RBM5: variants seen among roughly 807,000 people sequenced by gnomAD.
RBM5 encodes RNA-binding protein 5.
A neutral mutation model predicts 124.6 loss-of-function variants in RBM5; 15 were observed. That is an observed-to-expected ratio of 0.12 (90% CI 0.08 to 0.19). The LOEUF (loss-of-function observed/expected upper bound fraction) is 0.19. Among genes scored for constraint, RBM5 ranks in the 10% least tolerant of loss-of-function variants. The pLI is 1.00. For synonymous variants in RBM5, 337 were observed against 361.2 expected (o/e 0.93, Z 0.76); for missense variants, 580 against 1,026.5 (o/e 0.57, Z 5.94).
chr3:50,100,454 C>A lies in RBM5; in HGVS notation c.410-78C>A. 2.5e-6 allele frequency: 3 copies of A among 1,219,020 alleles called. No homozygotes were observed. Among genetic ancestry groups the A allele is most frequent in the Non-Finnish European group, 3.6e-6 (3 of 831,270 alleles). 75.5% of individuals were successfully genotyped at this position (1,219,020 alleles called of 1,614,324 possible). On this transcript the variant is annotated intron_variant, in intron 5 of 24. Coordinates refer to ENST00000347869, the MANE Select transcript of RBM5 (RefSeq NM_005778.4). This position sits in a 1 kb window ranked among gnomAD's most constrained non-coding sequence, Gnocchi z 5.1. ...TTGGCTTTGTCACGCAGTGTTGAAG[C>A]AGTGGGAGAGAGATTCACCTGTTAT...
chr3:50,097,345 G>A (rs1350315660), intron 4 of RBM5, among the ~76,000 whole-genome samples: 1 of 151,136 alleles, frequency 6.6e-6, no homozygotes, highest in Admixed American at 6.6e-5. Context: ...GCAGTGAGCC[G>A]AGATCGTGCC....
intron 4 of RBM5, 86 bp from the exon 5 acceptor site, chr3:50,099,896 A>T: frequency 2.4e-6 from 3 of 1,242,172 alleles, no homozygotes; most frequent in Non-Finnish European, 3.3e-6. Flanking sequence ...AAACTTGGCT[A>T]ATTAAACAGT....
At position 50,093,744 on chromosome 3, in the gene RBM5, G is replaced by T; in HGVS notation, c.208G>T (p.Asp70Tyr). ...GAGAGAGCGTGAAAGAAGGAACAGT[G>T]ACCGATCCGAAGATGGCTACCATTC... ...PERERERRNS[D>Y]RSEDGYHSDG... Residue 70 changes from aspartate (D) to tyrosine (Y), a missense_variant, in exon 4 of 25, where the codon GAC (aspartate) becomes TAC (tyrosine). Asp to Tyr is a radical substitution (Grantham distance 160). Around this residue, in one of 6 missense-constraint regions of RBM5, gnomAD observed 99 missense variants for 121.1 expected, o/e 0.82. Coordinates refer to ENST00000347869, the MANE Select transcript of RBM5 (RefSeq NM_005778.4). 1 of 1,613,786 alleles carries T rather than the reference G, an allele frequency of 6.2e-7. No individual in the cohort carries two copies. Among genetic ancestry groups the T allele is most frequent in the South Asian group, 1.1e-5 (1 of 91,066 alleles).
chr3:50,097,645 C>T (rs2090847041), intron 4 of RBM5, among the ~76,000 whole-genome samples: 1 of 151,734 alleles, frequency 6.6e-6, no homozygotes, highest in African/African-American at 2.4e-5. Flanking sequence ...ATTTTTGTGG[C>T]CTTTTGGAAA....
At chr3:50,096,429 A>AGTGAGTT (rs2090817326) in intron 4 of RBM5, among the ~76,000 whole-genome samples, 1 of 151,920 alleles carries the variant, frequency 6.6e-6, no homozygotes, top group African/African-American at 2.4e-5. Context: ...TCAAGGGTAC[A>AGTGAGTT]GTGAGTTGTG....
At position 50,091,971 on chromosome 3, in the gene RBM5, G is replaced by A. The variant is rs535170963; in HGVS notation, c.18-72G>A. The A allele has an allele frequency of 6.0e-6, 9 of 1,491,008 alleles. No homozygotes were observed. In the South Asian group the frequency reaches 6.8e-5, roughly 11 times the overall value. 92.4% of individuals were successfully genotyped at this position (1,491,008 alleles called of 1,614,324 possible). A position where few individuals can be genotyped will look rare whatever the true frequency, so the allele number is the denominator to read the frequency against. ...TTATAAACTGATCTGTGGGCCGTGTGTATTTTTAACTATGTCTTTTAAAGG... is the reference window on the plus strand; with the variant it reads ...TTATAAACTGATCTGTGGGCCGTGTATATTTTTAACTATGTCTTTTAAAGG... On this transcript the variant is annotated intron_variant, in intron 2 of 24. Coordinates refer to ENST00000347869, the MANE Select transcript of RBM5 (RefSeq NM_005778.4).
chr3:50,110,259 C>A, intron 15 of RBM5, 120 bp from the exon 16 acceptor site: 1 of 820,618 alleles, frequency 1.2e-6, no homozygotes, highest in East Asian at 2.7e-5. Flanking sequence ...GAGGGATTGC[C>A]TTAGATTATT....
intron 3 of RBM5, 33 bp downstream of exon 3, chr3:50,092,241 A>G: frequency 1.2e-6 from 2 of 1,602,822 alleles, no homozygotes; most frequent in South Asian, 1.1e-5. Flanking sequence ...ACCCCCCAAA[A>G]CACTCTGAGC....
chr3:50,103,757 G>A (rs774819561), intron 7 of RBM5, among the ~76,000 whole-genome samples: 7 of 152,188 alleles, frequency 4.6e-5, no homozygotes, highest in African/African-American at 9.7e-5. Context: ...AGTTTTTGGC[G>A]TAGTCTCTTA....
chr3:50,106,580 T>C lies in RBM5; in HGVS notation c.856-187T>C, dbSNP rs552818234. ...GGTTTAGCATTTGCTCTTTTGGTAA[T>C]ACTGGAAACCTTCACATCTTAGAGG... On this transcript the variant is annotated intron_variant, in intron 10 of 24. Transcript: ENST00000347869. 3.3e-5 allele frequency among the ~76,000 whole-genome samples: 5 copies of C among 152,352 alleles called. No individual in the cohort carries two copies. In the South Asian group the frequency reaches 8.3e-4, roughly 25 times the overall value.
At chr3:50,101,238 T>C (rs2090933927) in intron 6 of RBM5, 1 of 152,226 alleles carries the variant, frequency 6.6e-6, no homozygotes, top group Admixed American at 6.5e-5. Context: ...CGAGGTAGTG[T>C]TAACTGAAGT....
chr3:50,108,243 T>C lies in RBM5; in HGVS notation c.1131T>C (p.Asp377=). 6.2e-7 allele frequency: 1 copy of C among 1,613,200 alleles called. No individual in the cohort carries two copies. The highest frequency in any genetic ancestry group is 1.1e-5 in the South Asian group (1 of 91,080). The part of the protein sequence containing the change: ...GYAQYAQYSQ[D]YQQFYQQQAG... ...GGACTTTTCTTCAGTATTCACAGGA[T>C]TATCAGCAGTTTTATCAACAACAAG... The change falls in exon 14 of 25, where the codon GAT becomes GAC. Residue 377 remains aspartate, a synonymous_variant. Coordinates refer to ENST00000347869, the MANE Select transcript of RBM5 (RefSeq NM_005778.4).
chr3:50,109,343 G>T (rs907931885), intron 14 of RBM5, among the ~76,000 whole-genome samples: 7 of 152,096 alleles, frequency 4.6e-5, no homozygotes, highest in Non-Finnish European at 1.0e-4. Context: ...AAAGTGCTGG[G>T]ATTACAGGCC....
At chr3:50,112,604 A>G (rs934671474) in intron 17 of RBM5, 3 of 151,542 alleles carry the variant, frequency 2.0e-5, no homozygotes, top group African/African-American at 7.3e-5. Flanking sequence ...CTTCACCAAC[A>G]CCTCCTTCCA....
intron 20 of RBM5, 118 bp from the exon 21 acceptor site, chr3:50,115,310 A>G: frequency 8.4e-7 from 1 of 1,185,512 alleles, no homozygotes; most frequent in South Asian, 1.4e-5. Flanking sequence ...CTAAAGTGTG[A>G]CATGCAGTAA....
chr3:50,088,940 T>G lies in RBM5; in HGVS notation c.-143T>G, dbSNP rs2090649201. 6.6e-6 allele frequency: 1 copy of G among 152,232 alleles called. No homozygotes were observed. Among genetic ancestry groups the G allele is most frequent in the South Asian group, 2.1e-4 (1 of 4,830 alleles). The allele number at this position is 152,232 out of a possible 1,614,324, so 9.4% of individuals were successfully genotyped here. On this transcript the variant is annotated 5_prime_UTR_variant, in exon 1 of 25. Coordinates refer to ENST00000347869, the MANE Select transcript of RBM5 (RefSeq NM_005778.4). ...AGGTACTGTGGGTAGGAGACGGCCG[T>G]CGGCGGAGGCGCCATTTTGTGTAGC... is the stretch of plus-strand genomic sequence containing the variant.
intron 24 of RBM5, chr3:50,118,087 A>C (rs2091291015): frequency 7.3e-6 from 4 of 545,984 alleles, no homozygotes; most frequent in Non-Finnish European, 1.3e-5. Flanking sequence ...CTAGGCGTGG[A>C]TGCTTGCTGA....
intron 12 of RBM5, among the ~76,000 whole-genome samples, 182 bp downstream of exon 12, chr3:50,107,751 A>G (rs998932208): frequency 1.6e-5 from 2 of 128,912 alleles, no homozygotes; most frequent in Non-Finnish European, 3.1e-5. Flanking sequence ...CAATGGTGCA[A>G]TCTTGGCTCA....
Position 50,106,118 on chromosome 3 carries a change from A to ATTTTTTTTTTTT in RBM5, c.855+432_855+443dup, listed in dbSNP as rs61297967. On this transcript the variant is annotated intron_variant, in intron 10 of 24. Transcript: ENST00000347869. ...CAGGTGCCCGCCACCACGCCCAGCT[A>ATTTTTTTTTTTT]TTTTTTTTTTTTTTTTTTTTTTTTT... is the stretch of plus-strand genomic sequence containing the variant. Among the ~76,000 whole-genome samples the ATTTTTTTTTTTT allele has an allele frequency of 4.0e-4, 13 of 32,754 alleles. 2 individuals carry two copies. Among genetic ancestry groups the ATTTTTTTTTTTT allele is most frequent in the African/African-American group, 8.5e-4 (9 of 10,562 alleles). 21.5% of individuals were successfully genotyped at this position (32,754 alleles called of 152,430 possible).
Sources: gnomAD v4.1 joint callset for allele counts (sites outside exome capture counted in the v4.1 genomes callset) on GRCh38, gnomAD v4.1.1 for gene constraint, gnomAD v4.1.1 regional missense constraint, Gnocchi (gnomAD v3.1) non-coding constraint, MANE v1.5 for transcripts, NCBI Gene and HGNC (gene_info 2026-07-23, HGNC 2026-07-21) for gene names.